Variants in AKAP13 observed in about 807,000 individuals in gnomAD.
AKAP13 encodes the protein A-kinase anchor protein 13.
Under a neutral mutation model 264.5 loss-of-function variants are expected in AKAP13, and 80 were observed. The ratio of observed to expected loss-of-function variants is 0.30; its 90% CI spans 0.25 to 0.36. The LOEUF is 0.36. Ranked by LOEUF, AKAP13 falls within the 10% of genes least tolerant of loss-of-function variation. The pLI is 1.00. For synonymous variants in AKAP13, 1,380 were observed against 1,250.2 expected (o/e 1.10, Z -2.19); for missense variants, 3,712 against 3,435.2 (o/e 1.08, Z -2.01).
intron 8 of AKAP13, among the ~76,000 whole-genome samples, chr15:85,625,203 C>G (rs2081356222): frequency 6.6e-6 from 1 of 152,198 alleles, no homozygotes; most frequent in South Asian, 2.1e-4. Context: ...CATTCACTTT[C>G]CTACCCATTT....
At chr15:85,689,177 C>G (rs938478898) in intron 16 of AKAP13, among the ~76,000 whole-genome samples, 1 of 152,198 alleles carries the variant, frequency 6.6e-6, no homozygotes, top group Non-Finnish European at 1.5e-5. Context: ...TGCACAGCTG[C>G]AAGTATACTA....
At chr15:85,625,872 A>G (rs75927735) in intron 8 of AKAP13, among the ~76,000 whole-genome samples, 14,420 of 152,280 alleles carry the variant, frequency 0.095, 797 homozygotes, top group African/African-American at 0.13. Context: ...AATAGAACCA[A>G]GACTAGAACA....
chr15:85,427,203 C>T (rs1401956052), intron 1 of AKAP13, among the ~76,000 whole-genome samples: 1 of 152,122 alleles, frequency 6.6e-6, no homozygotes, highest in African/African-American at 2.4e-5. Flanking sequence ...GATCCGCCCG[C>T]CTCGGCCTCC....
chr15:85,565,178 A>G (rs779818122), intron 5 of AKAP13, among the ~76,000 whole-genome samples: 7 of 152,116 alleles, frequency 4.6e-5, no homozygotes, highest in Non-Finnish European at 2.9e-5. Context: ...GTACTGCATC[A>G]TTGCCACAAT....
intron 8 of AKAP13, among the ~76,000 whole-genome samples, chr15:85,614,260 A>G (rs142757250): frequency 5.4e-4 from 82 of 152,316 alleles, no homozygotes; most frequent in African/African-American, 1.9e-3. Flanking sequence ...GTGAAGCACG[A>G]CGGCCATCTT....
At position 85,729,171 on chromosome 15, in the gene AKAP13, T is replaced by C. The variant is rs1388262548; in HGVS notation, c.7088-1342T>C. On this transcript the variant is annotated intron_variant, in intron 29 of 36. Transcript: ENST00000394518. ...AAAATTAGCTGGGCGTGGTGGCACG[T>C]GCCTGTAATCCCAGCTACTTAGGAG... 3.3e-5 allele frequency among the ~76,000 whole-genome samples: 5 copies of C among 152,016 alleles called. No homozygotes were observed. In the South Asian group the frequency reaches 8.3e-4, roughly 25 times the overall value.
chr15:85,650,530 C>T (rs986655949), intron 10 of AKAP13, among the ~76,000 whole-genome samples: 2 of 151,024 alleles, frequency 1.3e-5, no homozygotes, highest in African/African-American at 4.9e-5. Context: ...CCGAGGCAGG[C>T]GGATCACTGG....
chr15:85,687,312 A>G (rs756542641), intron 16 of AKAP13, among the ~76,000 whole-genome samples: 58 of 152,264 alleles, frequency 3.8e-4, no homozygotes, highest in African/African-American at 1.4e-3. Context: ...ATACAGCGTA[A>G]TTTTTTTCTT....
intron 1 of AKAP13, among the ~76,000 whole-genome samples, chr15:85,460,950 T>G (rs1311977581): frequency 3.1e-5 from 1 of 32,194 alleles, no homozygotes; most frequent in Non-Finnish European, 9.2e-5. Context: ...GGGAACAGAG[T>G]TTTTTTTTTT....
chr15:85,556,403 C>T (rs1490478092), intron 5 of AKAP13, among the ~76,000 whole-genome samples: 1 of 152,182 alleles, frequency 6.6e-6, no homozygotes, highest in Admixed American at 6.5e-5. Flanking sequence ...TAGGAATTTT[C>T]CAGCTGCATT....
At chr15:85,646,106 T>C in intron 10 of AKAP13, 152 bp downstream of exon 10, 5 of 950,960 alleles carry the variant, frequency 5.3e-6, no homozygotes, top group Non-Finnish European at 7.7e-6. Flanking sequence ...CCAGCTAGCC[T>C]TGTAGGGCCT....
intron 8 of AKAP13, among the ~76,000 whole-genome samples, chr15:85,604,694 C>T (rs773186173): frequency 6.6e-6 from 1 of 152,152 alleles, no homozygotes; most frequent in African/African-American, 2.4e-5. Flanking sequence ...GAACTCCTGA[C>T]CTCAGGTGAT....
chr15:85,554,154 A>G (rs560336315), intron 5 of AKAP13, among the ~76,000 whole-genome samples: 1 of 152,292 alleles, frequency 6.6e-6, no homozygotes, highest in African/African-American at 2.4e-5. Context: ...GCAGGCATCC[A>G]TCTCTTTGGC....
chr15:85,563,337 T>TG (rs2078478343), intron 5 of AKAP13, among the ~76,000 whole-genome samples: 1 of 134,034 alleles, frequency 7.5e-6, no homozygotes, highest in Non-Finnish European at 1.6e-5. Flanking sequence ...TTGTTTTTTT[T>TG]TTTTTTTTTT....
At position 85,724,042 on chromosome 15, in the gene AKAP13, A is replaced by G. The variant is rs183152712; in HGVS notation, c.6745+722A>G. Among the ~76,000 whole-genome samples, 1,369 of 152,308 alleles carry G rather than the reference A, an allele frequency of 9.0e-3. 3 individuals are homozygous for G. Among genetic ancestry groups the G allele is most frequent in the Non-Finnish European group, 0.015 (998 of 68,028 alleles). On this transcript the variant is annotated intron_variant, in intron 26 of 36. Transcript: ENST00000394518. This position sits in a 1 kb window ranked among gnomAD's most constrained non-coding sequence, Gnocchi z 4.2. Reference sequence around the variant, plus strand: ...CTCCATGGGCCTATATGTTACACCAATAGCCTTGAATTATACCCACCCCGT... The same window carrying G: ...CTCCATGGGCCTATATGTTACACCAGTAGCCTTGAATTATACCCACCCCGT...
intron 1 of AKAP13, among the ~76,000 whole-genome samples, chr15:85,452,497 T>G (rs893800138): frequency 6.6e-6 from 1 of 152,204 alleles, no homozygotes; most frequent in Non-Finnish European, 1.5e-5. Context: ...TCAGTGTGTG[T>G]GGGTATTACT....
At position 85,582,014 on chromosome 15, in the gene AKAP13, G is replaced by C. The variant is rs1443899054; in HGVS notation, c.3946G>C (p.Glu1316Gln). ...GAGCCTACCAATGGGCAGTACTCCT[G>C]AGGAAGCCACGGGGAGCCTTGCAGG... ...GESLPMGSTP[E>Q]EATGSLAGCF... The change falls in exon 7 of 37, where the codon GAG becomes CAG. Residue 1316 changes from glutamate to glutamine, a missense_variant. By Grantham distance (29) the Glu-to-Gln change is conservative. Transcript: ENST00000394518. 6 of 1,614,070 alleles carry C rather than the reference G, an allele frequency of 3.7e-6. No individual in the cohort carries two copies. The highest frequency in any genetic ancestry group is 1.3e-5 in the African/African-American group (1 of 74,936).
At chr15:85,451,974 G>A (rs2074107671) in intron 1 of AKAP13, among the ~76,000 whole-genome samples, 1 of 151,868 alleles carries the variant, frequency 6.6e-6, no homozygotes, top group South Asian at 2.1e-4. Context: ...TAAGTTGTTG[G>A]CGTTCTCCCC....
intron 29 of AKAP13, among the ~76,000 whole-genome samples, chr15:85,728,679 A>G (rs1035152438): frequency 8.5e-5 from 13 of 152,152 alleles, no homozygotes; most frequent in Non-Finnish European, 1.3e-4. Context: ...TCTGAAAAAA[A>G]TTATCTCAGC....
Sources: gnomAD v4.1 joint callset for allele counts (sites outside exome capture counted in the v4.1 genomes callset) on GRCh38, gnomAD v4.1.1 for gene constraint, Gnocchi (gnomAD v3.1) non-coding constraint, MANE v1.5 for transcripts, NCBI Gene and HGNC (gene_info 2026-07-23, HGNC 2026-07-21) for gene names.